Variants in CDH1 observed in about 807,000 individuals in gnomAD.
The protein encoded by CDH1 is cadherin 1.
In CDH1, 35 loss-of-function variants were observed where a neutral mutation model predicts 84.5. That is an observed-to-expected ratio of 0.41 (90% CI 0.32 to 0.55). CDH1 has a LOEUF of 0.55. CDH1 is among the 20% of genes least tolerant of loss of function. CDH1 has a pLI of 0.19. For missense variants in CDH1, 994 were observed against 1,126.6 expected (o/e 0.88, Z 1.68); for synonymous variants, 417 against 439.0 (o/e 0.95, Z 0.63).
Position 68,825,530 on chromosome 16 carries a change from G to C in CDH1, c.2164+1904G>C, listed in dbSNP as rs541377940. On this transcript the variant is annotated intron_variant, in intron 13 of 15. Coordinates refer to ENST00000261769, the MANE Select transcript of CDH1 (RefSeq NM_004360.5). ...GCCTTTCAACCTTCCAGAAATGTCT[G>C]CTGGGCATCCCATTTGCTTCTGCCC... Among the ~76,000 whole-genome samples, 71 of 152,302 alleles carry C rather than the reference G, an allele frequency of 4.7e-4. 1 individual carries two copies. Among genetic ancestry groups the C allele is most frequent in the African/African-American group, 1.7e-3 (69 of 41,552 alleles).
chr16:68,789,183 C>A (rs1357253076), intron 2 of CDH1, among the ~76,000 whole-genome samples: 1 of 152,072 alleles, frequency 6.6e-6, no homozygotes, highest in Non-Finnish European at 1.5e-5. Flanking sequence ...TGCCACCATG[C>A]CCAGCTAATT....
intron 2 of CDH1, among the ~76,000 whole-genome samples, chr16:68,742,285 CTT>C (rs971880052): frequency 2.1e-5 from 3 of 145,740 alleles, no homozygotes; most frequent in Non-Finnish European, 1.5e-5. Flanking sequence ...ATTTCCCCTC[CTT>C]TTTTTTTTTT....
intron 2 of CDH1, among the ~76,000 whole-genome samples, chr16:68,770,580 T>C (rs1353945163): frequency 6.6e-6 from 1 of 151,844 alleles, no homozygotes; most frequent in African/African-American, 2.4e-5. Context: ...TAGAAGGATG[T>C]AAAGCAGTGA....
At chr16:68,817,071 T>A (rs1961007016) in intron 10 of CDH1, among the ~76,000 whole-genome samples, 1 of 152,236 alleles carries the variant, frequency 6.6e-6, no homozygotes, top group Admixed American at 6.5e-5. Context: ...GACCACTTGA[T>A]GTAATTCATT....
intron 2 of CDH1, among the ~76,000 whole-genome samples, chr16:68,772,296 C>G (rs955624836): frequency 6.6e-6 from 1 of 152,172 alleles, no homozygotes; most frequent in East Asian, 1.9e-4. Context: ...CATGGAAGGG[C>G]GGGGCTCCAT....
At chr16:68,780,526 G>A (rs913876147) in intron 2 of CDH1, among the ~76,000 whole-genome samples, 1 of 152,084 alleles carries the variant, frequency 6.6e-6, no homozygotes, top group East Asian at 1.9e-4. Flanking sequence ...CTGATTTCAA[G>A]TGATCTACCC....
At chr16:68,818,020 T>A (rs186527041) in intron 10 of CDH1, among the ~76,000 whole-genome samples, 9 of 152,006 alleles carry the variant, frequency 5.9e-5, no homozygotes, top group Non-Finnish European at 1.2e-4. Context: ...GGGTGGATCA[T>A]CTGAGGTCAG....
chr16:68,810,340 A>C lies in CDH1; in HGVS notation c.831A>C (p.Pro277=), dbSNP rs1131690816. ...GGTCTGTCATGGAAGGTGCTCTTCCAGGTATATCCACTAATGAGAATCTGA... is the reference window on the plus strand; with the variant it reads ...GGTCTGTCATGGAAGGTGCTCTTCCCGGTATATCCACTAATGAGAATCTGA... The part of the protein sequence containing the change: ...FKGSVMEGAL[P]GTSVMEVTAT... Residue 277 remains proline (P), a splice_region_variant and synonymous_variant, in exon 6 of 16, where the codon CCA becomes CCC. Transcript: ENST00000261769. 6.2e-7 allele frequency: 1 copy of C among 1,613,808 alleles called. No homozygotes were observed. The highest frequency in any genetic ancestry group is 1.7e-4 in the Middle Eastern group (1 of 6,052).
chr16:68,745,238 T>G (rs553756526), intron 2 of CDH1, among the ~76,000 whole-genome samples: 24 of 151,248 alleles, frequency 1.6e-4, no homozygotes, highest in Non-Finnish European at 2.9e-5. Context: ...TCCCAGTGCT[T>G]TGGGAGGCCA....
At chr16:68,791,055 A>G (rs1366847364) in intron 2 of CDH1, among the ~76,000 whole-genome samples, 1 of 152,208 alleles carries the variant, frequency 6.6e-6, no homozygotes, top group East Asian at 1.9e-4. Context: ...GGCCTGTGCT[A>G]AAATCATGTT....
At chr16:68,814,732 A>G (rs538937933) in intron 9 of CDH1, among the ~76,000 whole-genome samples, 3 of 152,178 alleles carry the variant, frequency 2.0e-5, no homozygotes, top group South Asian at 4.2e-4. Context: ...AGTGGGGCAG[A>G]TATGGTTGTT....
At chr16:68,781,655 T>G (rs1345263578) in intron 2 of CDH1, among the ~76,000 whole-genome samples, 1 of 152,068 alleles carries the variant, frequency 6.6e-6, no homozygotes, top group South Asian at 2.1e-4. Context: ...TTAATTTTCT[T>G]TATTGACAGG....
intron 2 of CDH1, among the ~76,000 whole-genome samples, chr16:68,795,684 C>T (rs1020795867): frequency 1.3e-4 from 19 of 151,376 alleles, no homozygotes; most frequent in Non-Finnish European, 2.2e-4. Flanking sequence ...TCAGTAGAGA[C>T]GGGGTTTCAC....
Position 68,811,748 on chromosome 16 carries a change from C to T in CDH1, c.897C>T (p.Ala299=), listed in dbSNP as rs769799936. The T allele has an allele frequency of 1.2e-5, 19 of 1,613,996 alleles. No individual in the cohort carries two copies. The Admixed American group carries it at 2.8e-4, about 24-fold the overall frequency. ...ADDDVNTYNA[A]IAYTILSQDP... ...ATGATGTGAACACCTACAATGCCGC[C>T]ATCGCTTACACCATCCTCAGCCAAG... Residue 299 remains alanine, a synonymous_variant, in exon 7 of 16, where the codon GCC becomes GCT. Coordinates refer to ENST00000261769, the MANE Select transcript of CDH1 (RefSeq NM_004360.5).
chr16:68,808,743 C>T lies in CDH1; in HGVS notation c.582C>T (p.Gly194=), dbSNP rs786202924. 5 of 1,614,000 alleles carry T rather than the reference C, an allele frequency of 3.1e-6. No homozygotes were observed. Among genetic ancestry groups the T allele is most frequent in the Non-Finnish European group, 4.2e-6 (5 of 1,180,016 alleles). Residue 194 remains glycine, a synonymous_variant, in exon 5 of 16, where the codon GGC becomes GGT. Transcript: ENST00000261769. The stretch of plus-strand genomic sequence containing the variant: ...GCAAGGTTTTCTACAGCATCACTGG[C>T]CAAGGAGCTGACACACCCCCTGTTG... ...KEGKVFYSIT[G]QGADTPPVGV...
intron 14 of CDH1, 112 bp from the exon 15 acceptor site, chr16:68,829,542 C>A: frequency 9.7e-7 from 1 of 1,033,028 alleles, no homozygotes. Flanking sequence ...AAAGATCATA[C>A]AGTTGGCAGT....
Position 68,815,479 on chromosome 16 carries a change from C to T in CDH1, c.1321-36C>T, listed in dbSNP as rs139324299. On this transcript the variant is annotated intron_variant, in intron 9 of 15. Coordinates refer to ENST00000261769, the MANE Select transcript of CDH1 (RefSeq NM_004360.5). Reference sequence around the variant, plus strand: ...TTATTTTTACTAACACAAAATGTTTCGTTTTGTTTTTAACTTCATTGTTTC... The same window carrying T: ...TTATTTTTACTAACACAAAATGTTTTGTTTTGTTTTTAACTTCATTGTTTC... 4.1e-4 allele frequency: 662 copies of T among 1,613,562 alleles called. 7 individuals carry two copies. The East Asian group carries it at 0.013, about 32-fold the overall frequency.
rs1287819180 is a variant in CDH1 at position 68,829,746 on chromosome 16, G to T, written c.2388G>T (p.Arg796=). 2 of 1,614,004 alleles carry T rather than the reference G, an allele frequency of 1.2e-6. No homozygotes were observed. The highest frequency in any genetic ancestry group is 1.7e-6 in the Non-Finnish European group (2 of 1,179,994). ...CACCAACCCTCATGAGTGTCCCCCG[G>T]TATCTTCCCCGCCCTGCCAATCCCG... ...DVAPTLMSVP[R]YLPRPANPDE... is the part of the protein sequence containing the mutation. Residue 796 remains arginine (R), a synonymous_variant, in exon 15 of 16, where the codon CGG becomes CGT. Coordinates refer to ENST00000261769, the MANE Select transcript of CDH1 (RefSeq NM_004360.5).
At chr16:68,762,479 C>T (rs1172119137) in intron 2 of CDH1, among the ~76,000 whole-genome samples, 1 of 152,156 alleles carries the variant, frequency 6.6e-6, no homozygotes, top group Non-Finnish European at 1.5e-5. Context: ...TACCCCATAA[C>T]CCCCAGTGGA....
Sources: allele counts gnomAD v4.1 joint callset (sites outside exome capture counted in the v4.1 genomes callset), GRCh38; gene constraint gnomAD v4.1.1; transcripts MANE v1.5; gene names NCBI Gene and HGNC (gene_info 2026-07-23, HGNC 2026-07-21).